LMCD1: variants seen among roughly 807,000 people sequenced by gnomAD.
LMCD1 encodes the protein LIM and cysteine rich domains 1.
LMCD1 carries 32 observed loss-of-function variants against 42.7 expected under a neutral mutation model. The ratio of observed to expected loss-of-function variants is 0.75; its 90% CI spans 0.57 to 1.01. The LOEUF is 1.01. Among genes scored for constraint, LMCD1 ranks in the 50% least tolerant of loss-of-function variants. LMCD1 has a pLI of 0.00. For synonymous variants in LMCD1, 178 were observed against 184.9 expected, an observed-to-expected ratio of 0.96 and a Z score of 0.30; for missense variants, 458 against 483.1, an observed-to-expected ratio of 0.95 and a Z score of 0.49.
At chr3:8,524,807 C>T (rs1694269670) in intron 1 of LMCD1, among the ~76,000 whole-genome samples, 1 of 151,898 alleles carries the variant, frequency 6.6e-6, no homozygotes, top group Non-Finnish European at 1.5e-5. Context: ...GCCTCAGCCT[C>T]CTGAGTAGCT....
chr3:8,537,856 T>A (rs1396240789), intron 3 of LMCD1, among the ~76,000 whole-genome samples: 2 of 152,306 alleles, frequency 1.3e-5, no homozygotes, highest in East Asian at 3.9e-4. Flanking sequence ...GAGAAACATT[T>A]CTCTCTTCTG....
At chr3:8,560,216 A>G (rs1424622675) in intron 4 of LMCD1, among the ~76,000 whole-genome samples, 1 of 139,608 alleles carries the variant, frequency 7.2e-6, no homozygotes, top group African/African-American at 2.8e-5. Flanking sequence ...TCTGCGTAAC[A>G]TAGTGGGACC....
chr3:8,572,878 T>C lies in LMCD1; in HGVS notation c.*5280T>C, dbSNP rs1695240928. On this transcript the variant is annotated 3_prime_UTR_variant, in exon 6 of 6. Coordinates refer to ENST00000157600, the MANE Select transcript of LMCD1 (RefSeq NM_014583.4). ...TTTGAAATCAGCCATTCTCAAGGGG[T>C]TCCTTCTTAATCTGGCTGTTGTTGT... 1 of 152,164 alleles carries C rather than the reference T, an allele frequency of 6.6e-6. No homozygotes were observed. Among genetic ancestry groups the C allele is most frequent in the African/African-American group, 2.4e-5 (1 of 41,440 alleles). 9.4% of individuals were successfully genotyped at this position (152,164 alleles called of 1,614,324 possible).
chr3:8,510,616 A>G (rs1380046959), intron 1 of LMCD1, among the ~76,000 whole-genome samples: 3 of 152,208 alleles, frequency 2.0e-5, no homozygotes, highest in Non-Finnish European at 4.4e-5. Flanking sequence ...ACCAATGGAA[A>G]GCAGGTATTT....
chr3:8,566,878 T>G (rs889270066), intron 5 of LMCD1, among the ~76,000 whole-genome samples: 1 of 152,156 alleles, frequency 6.6e-6, no homozygotes, highest in Non-Finnish European at 1.5e-5. Context: ...CACAGGGGGA[T>G]TAAGTAATTT....
At chr3:8,540,288 A>T (rs1694599212) in intron 3 of LMCD1, among the ~76,000 whole-genome samples, 1 of 152,206 alleles carries the variant, frequency 6.6e-6, no homozygotes, top group Admixed American at 6.5e-5. Context: ...AGCAATTCTT[A>T]AGCCTTCAAA....
chr3:8,544,561 G>A (rs893412579), intron 3 of LMCD1, among the ~76,000 whole-genome samples: 5 of 152,092 alleles, frequency 3.3e-5, no homozygotes, highest in African/African-American at 7.2e-5. Context: ...TTTCTATGCT[G>A]TTTCCCAGAA....
intron 1 of LMCD1, among the ~76,000 whole-genome samples, chr3:8,532,323 T>C (rs757914737): frequency 6.6e-6 from 1 of 152,226 alleles, no homozygotes; most frequent in Non-Finnish European, 1.5e-5. Context: ...AATCACACTC[T>C]ATCAATAAAT....
chr3:8,571,812 A>G lies in LMCD1; in HGVS notation c.*4214A>G, dbSNP rs575412580. On this transcript the variant is annotated 3_prime_UTR_variant, in exon 6 of 6. Transcript: ENST00000157600. ...TTTTGATAGAATGTCAAACTTACGA[A>G]AAAAGTTACAAGAAGAGAACAAAGA... 6.6e-6 allele frequency: 1 copy of G among 152,340 alleles called. No individual in the cohort carries two copies. Among genetic ancestry groups the G allele is most frequent in the African/African-American group, 2.4e-5 (1 of 41,586 alleles). 9.4% of individuals were successfully genotyped at this position (152,340 alleles called of 1,614,324 possible).
rs116646596 is a variant in LMCD1 at position 8,506,187 on chromosome 3, G to A, written c.42+4207G>A. Among the ~76,000 whole-genome samples the A allele has an allele frequency of 6.5e-3, 984 of 152,312 alleles. 9 individuals are homozygous for A. The highest frequency in any genetic ancestry group is 0.022 in the African/African-American group (935 of 41,574). The stretch of plus-strand genomic sequence containing the variant: ...TTTCACCAATGTATCTGCCACTGTG[G>A]TAGTGGGAGGCAGGAAAGAGCTTCA... On this transcript the variant is annotated intron_variant, in intron 1 of 5. Transcript: ENST00000157600.
intron 3 of LMCD1, among the ~76,000 whole-genome samples, chr3:8,538,997 A>G (rs1694565780): frequency 6.6e-6 from 1 of 152,230 alleles, no homozygotes; most frequent in East Asian, 1.9e-4. Context: ...ATGTTGGGAA[A>G]ATGTTACAGC....
At chr3:8,536,426 C>A (rs1694509155) in intron 2 of LMCD1, among the ~76,000 whole-genome samples, 1 of 152,054 alleles carries the variant, frequency 6.6e-6, no homozygotes, top group Non-Finnish European at 1.5e-5. Context: ...AAATCTGAAC[C>A]CTCCCCAGGA....
At chr3:8,540,244 A>C (rs1383170006) in intron 3 of LMCD1, among the ~76,000 whole-genome samples, 1 of 152,210 alleles carries the variant, frequency 6.6e-6, no homozygotes, top group Admixed American at 6.5e-5. Flanking sequence ...GAATTTTGCT[A>C]TCTCTCATCC....
At chr3:8,566,887 T>C (rs1006665602) in intron 5 of LMCD1, among the ~76,000 whole-genome samples, 2 of 152,212 alleles carry the variant, frequency 1.3e-5, no homozygotes, top group Non-Finnish European at 2.9e-5. Flanking sequence ...ATTAAGTAAT[T>C]TGCCCAAAGT....
At position 8,559,996 on chromosome 3, in the gene LMCD1, G is replaced by A. The variant is rs117269478; in HGVS notation, c.724-5436G>A. Among the ~76,000 whole-genome samples the A allele has an allele frequency of 6.4e-4, 98 of 152,330 alleles. No individual in the cohort carries two copies. In the East Asian group the frequency reaches 0.018, roughly 27 times the overall value. On this transcript the variant is annotated intron_variant, in intron 4 of 5. Transcript: ENST00000157600. The stretch of plus-strand genomic sequence containing the variant: ...CTTCACAAAGTGCTTTCCAACGGAT[G>A]AGAAGGTTGCAAACAAGCTCTGTGA...
chr3:8,563,193 C>G (rs926842582), intron 4 of LMCD1, among the ~76,000 whole-genome samples: 4 of 152,178 alleles, frequency 2.6e-5, no homozygotes, highest in Non-Finnish European at 5.9e-5. Context: ...GTAGAAAGAA[C>G]AGGTATCAAA....
intron 1 of LMCD1, among the ~76,000 whole-genome samples, chr3:8,530,857 T>A (rs1014149837): frequency 1.3e-5 from 2 of 152,196 alleles, no homozygotes; most frequent in Non-Finnish European, 2.9e-5. Context: ...GTGGGTGTTG[T>A]CTTAATTTTC....
chr3:8,540,292 C>T (rs900997456), intron 3 of LMCD1, among the ~76,000 whole-genome samples: 6 of 152,128 alleles, frequency 3.9e-5, no homozygotes, highest in African/African-American at 1.4e-4. Context: ...ATTCTTAAGC[C>T]TTCAAATGCT....
At chr3:8,539,919 A>C (rs990621963) in intron 3 of LMCD1, among the ~76,000 whole-genome samples, 1 of 151,382 alleles carries the variant, frequency 6.6e-6, no homozygotes, top group African/African-American at 2.4e-5. Flanking sequence ...GGCGTGCTGC[A>C]CCCATTAACT....
Sources: allele counts gnomAD v4.1 joint callset (sites outside exome capture counted in the v4.1 genomes callset), GRCh38; gene constraint gnomAD v4.1.1; transcripts MANE v1.5; gene names NCBI Gene and HGNC (gene_info 2026-07-23, HGNC 2026-07-21).